Variants in DYTN observed in about 807,000 individuals in gnomAD.
The protein encoded by DYTN is dystrotelin.
In DYTN, 75 loss-of-function variants were observed where a neutral mutation model predicts 69.6. The ratio of observed to expected loss-of-function variants is 1.08; its 90% CI spans 0.89 to 1.31. The LOEUF (loss-of-function observed/expected upper bound fraction) is 1.31, where lower values mean the gene tolerates loss of function less well. DYTN is among the 50% of genes most tolerant of loss of function. The pLI is 0.00. For synonymous variants in DYTN, 252 were observed against 249.1 expected (o/e 1.01, Z -0.11); for missense variants, 726 against 688.4 (o/e 1.05, Z -0.61).
chr2:206,678,419 A>G (rs1699715505), intron 9 of DYTN, among the ~76,000 whole-genome samples: 1 of 152,234 alleles, frequency 6.6e-6, no homozygotes, highest in Non-Finnish European at 1.5e-5. Flanking sequence ...AAATGTTTGT[A>G]CTTTTCATTC....
rs1283644858 is a variant in DYTN, at chr2:206,707,291, C to T, written c.296+11G>A. On this transcript the variant is annotated intron_variant, in intron 3 of 11. Transcript: ENST00000452335. ...GCCTTTGAGGTCACAGCGCGACGTC[C>T]ACACCCTCACCTGTTGTACATTGTC... 1 of 1,609,522 alleles carries T rather than the reference C, an allele frequency of 6.2e-7. No homozygotes were observed. Among genetic ancestry groups the T allele is most frequent in the Non-Finnish European group, 8.5e-7 (1 of 1,178,244 alleles).
In DYTN at chr2:206,694,781, A is replaced by G. The variant is rs760114059; in HGVS notation, c.816T>C (p.Ile272=). The G allele has an allele frequency of 6.2e-7, 1 of 1,607,740 alleles. No homozygotes were observed. The highest frequency in any genetic ancestry group is 1.1e-5 in the South Asian group (1 of 89,502). Residue 272 remains isoleucine (I), a synonymous_variant, in exon 8 of 12, where the codon ATT becomes ATC. Coordinates refer to ENST00000452335, the MANE Select transcript of DYTN (RefSeq NM_001093730.1). The part of the protein sequence containing the change: ...SKSHQKSHPV[I]EHCIQMSAMQ... ...TAAATGTTACCTGAATGCAGTGCTC[A>G]ATGACAGGATGAGACTTCTGATGGG...
At chr2:206,657,775 T>C (rs9973548) in intron 11 of DYTN, among the ~76,000 whole-genome samples, 46,263 of 151,770 alleles carry the variant, frequency 0.3, 8,132 homozygotes, top group African/African-American at 0.49. Context: ...TTTCTCTTGC[T>C]GCTTTCAAAA....
Position 206,662,889 on chromosome 2 carries a change from T to A in DYTN, c.1633+14A>T. On this transcript the variant is annotated intron_variant, in intron 11 of 11. Coordinates refer to ENST00000452335, the MANE Select transcript of DYTN (RefSeq NM_001093730.1). ...CTTGGCCATCACGATGTCTATGGAT[T>A]GTGAAAACCTTACCTGATGGCGTTT... 6.2e-7 allele frequency: 1 copy of A among 1,603,756 alleles called. No homozygotes were observed. Among genetic ancestry groups the A allele is most frequent in the Non-Finnish European group, 8.5e-7 (1 of 1,175,694 alleles).
intron 11 of DYTN, among the ~76,000 whole-genome samples, chr2:206,654,057 G>T (rs1021350829): frequency 1.3e-5 from 2 of 152,180 alleles, no homozygotes; most frequent in Admixed American, 6.5e-5. Context: ...ACAAATGCTT[G>T]ATTAATATTT....
chr2:206,696,276 C>T (rs756138654), intron 7 of DYTN, among the ~76,000 whole-genome samples: 1 of 152,186 alleles, frequency 6.6e-6, no homozygotes, highest in Non-Finnish European at 1.5e-5. Context: ...ATCTATCAGA[C>T]CTGCTAACTG....
At chr2:206,704,159 T>A (rs909174720) in intron 5 of DYTN, among the ~76,000 whole-genome samples, 1 of 152,196 alleles carries the variant, frequency 6.6e-6, no homozygotes, top group Non-Finnish European at 1.5e-5. Context: ...ACTGTTCAAG[T>A]CACTGGAGAT....
intron 9 of DYTN, among the ~76,000 whole-genome samples, chr2:206,670,968 C>A (rs941869806): frequency 1.3e-5 from 2 of 152,132 alleles, no homozygotes; most frequent in African/African-American, 2.4e-5. Context: ...TTGCTACCTG[C>A]GTGTGCACTA....
At chr2:206,680,285 G>A (rs13432379) in intron 9 of DYTN, among the ~76,000 whole-genome samples, 13,171 of 152,048 alleles carry the variant, frequency 0.087, 1,911 homozygotes, top group African/African-American at 0.3. Flanking sequence ...ACTATTATGA[G>A]AAGAGCATGG....
At chr2:206,659,471 G>T in intron 11 of DYTN, among the ~76,000 whole-genome samples, 1 of 108,864 alleles carries the variant, frequency 9.2e-6, no homozygotes, top group South Asian at 3.5e-4. Context: ...ACCACGCCGG[G>T]CCCAACAATT....
intron 9 of DYTN, chr2:206,687,334 C>A (rs977988054): frequency 6.5e-6 from 1 of 153,628 alleles, no homozygotes; most frequent in Admixed American, 6.5e-5. Flanking sequence ...AAACTATTTG[C>A]TCTTCCATCT....
At chr2:206,683,977 C>T (rs1172852300) in intron 9 of DYTN, among the ~76,000 whole-genome samples, 1 of 151,748 alleles carries the variant, frequency 6.6e-6, no homozygotes, top group Admixed American at 6.6e-5. Context: ...AACTTTAATA[C>T]TTAAATATTT....
At chr2:206,718,100 A>G (rs1187603683) in intron 1 of DYTN, among the ~76,000 whole-genome samples, 161 bp downstream of exon 1, 3 of 152,220 alleles carry the variant, frequency 2.0e-5, no homozygotes, top group Non-Finnish European at 4.4e-5. Context: ...ATTTCTGTTT[A>G]GAAGAGAGAG....
chr2:206,697,200 A>C (rs1265955171), intron 7 of DYTN, among the ~76,000 whole-genome samples: 4 of 152,214 alleles, frequency 2.6e-5, no homozygotes, highest in Non-Finnish European at 5.9e-5. Flanking sequence ...CTGTGCTCTG[A>C]AACTACCTAC....
At chr2:206,674,262 T>G (rs1447571969) in intron 9 of DYTN, among the ~76,000 whole-genome samples, 1 of 152,106 alleles carries the variant, frequency 6.6e-6, no homozygotes, top group Non-Finnish European at 1.5e-5. Context: ...ATATTTGAGT[T>G]GAATTCAAAT....
chr2:206,708,845 T>C (rs1241990824), intron 2 of DYTN, among the ~76,000 whole-genome samples: 1 of 152,224 alleles, frequency 6.6e-6, no homozygotes, highest in East Asian at 1.9e-4. Context: ...ATATTTCCCA[T>C]GAGTGTTATT....
intron 9 of DYTN, among the ~76,000 whole-genome samples, chr2:206,680,405 A>G (rs1699738280): frequency 6.6e-6 from 1 of 152,208 alleles, no homozygotes; most frequent in East Asian, 1.9e-4. Flanking sequence ...AGACAACCAT[A>G]TCATATACAC....
At chr2:206,700,294 G>T (rs1036510124) in intron 5 of DYTN, 78 bp from the exon 6 acceptor site, 117 of 1,499,104 alleles carry the variant, frequency 7.8e-5, no homozygotes, top group Non-Finnish European at 1.0e-4. Flanking sequence ...GCTGAGAGCT[G>T]GTGCCCACGG....
intron 1 of DYTN, among the ~76,000 whole-genome samples, chr2:206,716,119 A>AAAAG (rs1486772328): frequency 4.6e-5 from 7 of 152,166 alleles, no homozygotes; most frequent in African/African-American, 1.4e-4. Flanking sequence ...AAACAAAAGA[A>AAAAG]AAAGAAAGAA....
Sources: gnomAD v4.1 joint callset for allele counts (sites outside exome capture counted in the v4.1 genomes callset) on GRCh38, gnomAD v4.1.1 for gene constraint, MANE v1.5 for transcripts, NCBI Gene and HGNC (gene_info 2026-07-23, HGNC 2026-07-21) for gene names.